The following CCDC138 variants were observed in gnomAD, a reference collection of about 807,000 sequenced individuals.
The protein encoded by CCDC138 is coiled-coil domain containing 138.
Under a neutral mutation model 82.3 loss-of-function variants are expected in CCDC138, and 66 were observed. The observed-to-expected ratio is 0.80, with a 90% CI of 0.66 to 0.98. The LOEUF (loss-of-function observed/expected upper bound fraction) is 0.98. Among genes scored for constraint, CCDC138 ranks in the 50% least tolerant of loss-of-function variants. The pLI is 0.00. For missense variants in CCDC138, 816 were observed against 758.9 expected (o/e 1.08, Z -0.88); for synonymous variants, 297 against 265.4 (o/e 1.12, Z -1.16).
chr2:108,826,602 A>G (rs999338624), intron 10 of CCDC138, among the ~76,000 whole-genome samples: 1 of 152,100 alleles, frequency 6.6e-6, no homozygotes, highest in Admixed American at 6.6e-5. Context: ...GTTCCATTCC[A>G]TTGTTCTATT....
intron 7 of CCDC138, among the ~76,000 whole-genome samples, chr2:108,806,709 G>A (rs779744512): frequency 1.2e-4 from 18 of 152,316 alleles, no homozygotes; most frequent in Middle Eastern, 3.4e-3. Context: ...CTGGCTAGAT[G>A]AATAACATGT....
intron 9 of CCDC138, among the ~76,000 whole-genome samples, chr2:108,815,079 G>T (rs1684530090): frequency 1.3e-5 from 2 of 152,000 alleles, no homozygotes; most frequent in Non-Finnish European, 2.9e-5. Flanking sequence ...AAATTACTTT[G>T]TTATTTTACT....
rs551343434 is a variant in CCDC138 at position 108,788,677 on chromosome 2, G to A, written c.152-175G>A. The A allele has an allele frequency of 4.3e-3, 1,730 of 398,298 alleles. 4 individuals are homozygous for A. The highest frequency in any genetic ancestry group is 5.7e-3 in the Admixed American group (89 of 15,584). 24.7% of individuals were successfully genotyped at this position (398,298 alleles called of 1,614,324 possible). On this transcript the variant is annotated intron_variant, in intron 2 of 14. Transcript: ENST00000295124. ...GGAGCTTGCAGTGAGCCGAGATTGCGCCACTGCACTCCAGCCTGGGTGACA... is the reference window on the plus strand; with the variant it reads ...GGAGCTTGCAGTGAGCCGAGATTGCACCACTGCACTCCAGCCTGGGTGACA...
intron 5 of CCDC138, among the ~76,000 whole-genome samples, chr2:108,795,099 T>A (rs886955960): frequency 6.6e-6 from 1 of 151,898 alleles, no homozygotes; most frequent in African/African-American, 2.4e-5. Context: ...AAAATTGAAC[T>A]CTTAACATTT....
chr2:108,875,295 T>A (rs1197537399), intron 14 of CCDC138, among the ~76,000 whole-genome samples: 1 of 142,696 alleles, frequency 7.0e-6, no homozygotes, highest in Non-Finnish European at 1.5e-5. Context: ...AATGTGCACA[T>A]GTACCCTAAA....
rs777265536 is a variant in CCDC138 at position 108,812,829 on chromosome 2, G to C, written c.943G>C (p.Glu315Gln). The C allele has an allele frequency of 2.5e-6, 4 of 1,612,788 alleles. No individual in the cohort carries two copies. Among genetic ancestry groups the C allele is most frequent in the Non-Finnish European group, 3.4e-6 (4 of 1,179,096 alleles). Residue 315 changes from glutamate (E) to glutamine (Q), a missense_variant, in exon 9 of 15, where the codon GAG becomes CAG. By Grantham distance (29) the Glu-to-Gln change is conservative (BLOSUM62 2). Transcript: ENST00000295124. ...ATATATACTGTTGCAGAGGAAGTAC[G>C]AGTTTATGACAATACAGAGATTGAA... ...ARLDNLQRKY[E>Q]FMTIQRLKGS... is the part of the protein sequence containing the mutation.
rs199836428 is a variant in CCDC138, at chr2:108,812,720, G to C, written c.933+12G>C. On this transcript the variant is annotated intron_variant, in intron 8 of 14. Transcript: ENST00000295124. Reference sequence around the variant, plus strand: ...TAGATAATTTACAGGTAAGTTGCCTGTTCTTCTCTACAGACAGAAGTATGT... The same window carrying C: ...TAGATAATTTACAGGTAAGTTGCCTCTTCTTCTCTACAGACAGAAGTATGT... 20 of 1,606,746 alleles carry C rather than the reference G, an allele frequency of 1.2e-5. No individual in the cohort carries two copies. The highest frequency in any genetic ancestry group is 1.7e-5 in the Non-Finnish European group (20 of 1,173,662).
intron 11 of CCDC138, among the ~76,000 whole-genome samples, chr2:108,843,293 G>T (rs1037329100): frequency 1.4e-4 from 22 of 152,052 alleles, no homozygotes; most frequent in African/African-American, 5.1e-4. Flanking sequence ...AAGTAGCTGG[G>T]ATTACAGGCG....
intron 1 of CCDC138, among the ~76,000 whole-genome samples, chr2:108,787,263 TACTC>T (rs1048758577): frequency 5.9e-5 from 9 of 152,368 alleles, no homozygotes; most frequent in African/African-American, 1.9e-4. Flanking sequence ...ATTTCGGACT[TACTC>T]AAAAGTTGCT....
intron 10 of CCDC138, among the ~76,000 whole-genome samples, chr2:108,826,629 G>A (rs908071375): frequency 2.0e-5 from 3 of 152,052 alleles, no homozygotes; most frequent in African/African-American, 4.8e-5. Flanking sequence ...TCCTTATGCC[G>A]GTGTCACACT....
Position 108,860,935 on chromosome 2 carries a change from C to T in CCDC138, c.1693+3965C>T, listed in dbSNP as rs147947742. Among the ~76,000 whole-genome samples, 343 of 37,886 alleles carry T rather than the reference C, an allele frequency of 9.1e-3. 1 individual carries two copies. The highest frequency in any genetic ancestry group is 0.056 in the Middle Eastern group (1 of 18). The allele number at this position is 37,886 out of a possible 152,430, so 24.9% of individuals were successfully genotyped here. A position where few individuals can be genotyped will look rare whatever the true frequency, so the allele number is the denominator to read the frequency against. On this transcript the variant is annotated intron_variant, in intron 13 of 14. Coordinates refer to ENST00000295124, the MANE Select transcript of CCDC138 (RefSeq NM_144978.3). ...GGCTGTGAATCCATCTGGTCCAGGACTTTTTTTTTTTTTTTTTTTTTTTGG... is the reference window on the plus strand; with the variant it reads ...GGCTGTGAATCCATCTGGTCCAGGATTTTTTTTTTTTTTTTTTTTTTTTGG...
At chr2:108,790,816 A>G (rs1410524491) in intron 3 of CCDC138, among the ~76,000 whole-genome samples, 9 of 152,190 alleles carry the variant, frequency 5.9e-5, no homozygotes, top group Non-Finnish European at 1.5e-5. Context: ...CAGTAGCATA[A>G]TTGTAACTCA....
chr2:108,836,914 A>G (rs1446782204), intron 10 of CCDC138, among the ~76,000 whole-genome samples: 1 of 151,384 alleles, frequency 6.6e-6, no homozygotes, highest in Non-Finnish European at 1.5e-5. Context: ...TTGATTTTGT[A>G]TTCAGCAACT....
rs370735163 is a variant in CCDC138, at chr2:108,830,498, CT to C, written c.1207-8684del. Among the ~76,000 whole-genome samples, 828 of 152,342 alleles carry C rather than the reference CT, an allele frequency of 5.4e-3. 12 individuals are homozygous for C. The highest frequency in any genetic ancestry group is 0.016 in the African/African-American group (685 of 41,588). ...GCCACCCTAAATTTTAGTGTACTCA[CT>C]TTGCAGAAGTTAGGCAATTTGACAG... is the stretch of plus-strand genomic sequence containing the variant. On this transcript the variant is annotated intron_variant, in intron 10 of 14. Transcript: ENST00000295124.
chr2:108,856,840 G>A lies in CCDC138; in HGVS notation c.1563G>A (p.Lys521=). ...TTGATTCTCTTTGTTTGGACTTGAAGACAGAAGAAGGAAAAACCTTGTTTT... is the reference window on the plus strand; with the variant it reads ...TTGATTCTCTTTGTTTGGACTTGAAAACAGAAGAAGGAAAAACCTTGTTTT... ...QAFDSLCLDL[K]TEEGKTLFLE... The change falls in exon 13 of 15, where the codon AAG becomes AAA. Residue 521 remains lysine (K), a synonymous_variant. Transcript: ENST00000295124. The A allele has an allele frequency of 1.9e-6, 3 of 1,613,404 alleles. No homozygotes were observed. The highest frequency in any genetic ancestry group is 2.5e-6 in the Non-Finnish European group (3 of 1,179,758).
At chr2:108,798,679 C>T in intron 6 of CCDC138, 93 bp downstream of exon 6, 1 of 916,446 alleles carries the variant, frequency 1.1e-6, no homozygotes, top group Non-Finnish European at 1.7e-6. Flanking sequence ...TTGCTTATTT[C>T]TCCTTCCCTT....
chr2:108,834,335 C>T (rs577651646), intron 10 of CCDC138, among the ~76,000 whole-genome samples: 70 of 151,992 alleles, frequency 4.6e-4, no homozygotes, highest in African/African-American at 1.7e-3. Context: ...GCCTCAGCCT[C>T]CCAAGTAGCT....
rs1692853752 is a variant in CCDC138, at chr2:108,857,704, A to G, written c.1693+734A>G. ...TAGTAATCTTGGAGTTGTGTATTTCAGTTTACTAATGTAAGGAGTAGAATG... is the reference window on the plus strand; with the variant it reads ...TAGTAATCTTGGAGTTGTGTATTTCGGTTTACTAATGTAAGGAGTAGAATG... On this transcript the variant is annotated intron_variant, in intron 13 of 14. Transcript: ENST00000295124. Among the ~76,000 whole-genome samples, 2 of 152,212 alleles carry G rather than the reference A, an allele frequency of 1.3e-5. 1 individual carries two copies. The highest frequency in any genetic ancestry group is 4.1e-4 in the South Asian group (2 of 4,822).
At chr2:108,809,493 T>C (rs1683433966) in intron 7 of CCDC138, among the ~76,000 whole-genome samples, 1 of 150,736 alleles carries the variant, frequency 6.6e-6, no homozygotes, top group Non-Finnish European at 1.5e-5. Context: ...TGTGTGATCT[T>C]CAGTTTCATT....
Sources: allele counts gnomAD v4.1 joint callset (sites outside exome capture counted in the v4.1 genomes callset), GRCh38; gene constraint gnomAD v4.1.1; transcripts MANE v1.5; gene names NCBI Gene and HGNC (gene_info 2026-07-23, HGNC 2026-07-21).